The following CABLES1 variants were observed in gnomAD, a reference collection of about 807,000 sequenced individuals.
CABLES1 encodes CDK5 and ABL1 enzyme substrate 1.
Under a neutral mutation model 57.8 loss-of-function variants are expected in CABLES1, and 36 were observed. That is an observed-to-expected ratio of 0.62 (90% CI 0.48 to 0.82). The LOEUF (loss-of-function observed/expected upper bound fraction) is 0.82, where lower values mean the gene tolerates loss of function less well. Among genes scored for constraint, CABLES1 ranks in the 40% least tolerant of loss-of-function variants. CABLES1 has a pLI of 0.00. For missense variants in CABLES1, 767 were observed against 836.6 expected, an observed-to-expected ratio of 0.92 and a Z score of 1.03; for synonymous variants, 374 against 363.0, an observed-to-expected ratio of 1.03 and a Z score of -0.35.
chr18:23,250,758 CTATG>C (rs2145128528), intron 7 of CABLES1, among the ~76,000 whole-genome samples: 1 of 152,310 alleles, frequency 6.6e-6, no homozygotes, highest in South Asian at 2.1e-4. Flanking sequence ...GCCAGAAAGA[CTATG>C]TATCAGAGGA....
chr18:23,145,805 G>A (rs1026129024), intron 1 of CABLES1, among the ~76,000 whole-genome samples: 5 of 152,120 alleles, frequency 3.3e-5, no homozygotes, highest in South Asian at 2.1e-4. Context: ...GGATGGCTAC[G>A]CACTAGATCA....
intron 4 of CABLES1, among the ~76,000 whole-genome samples, chr18:23,222,051 C>T (rs1346320532): frequency 6.6e-6 from 1 of 152,160 alleles, no homozygotes; most frequent in Non-Finnish European, 1.5e-5. Context: ...TTTCCAAAGC[C>T]CAGGAGCTCT....
chr18:23,156,027 A>G, intron 1 of CABLES1: 1 of 1,532,126 alleles, frequency 6.5e-7, no homozygotes, highest in Non-Finnish European at 9.0e-7. Context: ...TTGGATGCTG[A>G]CGGTCTTTGT....
At chr18:23,217,049 A>C (rs1255056327) in intron 4 of CABLES1, among the ~76,000 whole-genome samples, 2 of 152,118 alleles carry the variant, frequency 1.3e-5, no homozygotes, top group African/African-American at 4.8e-5. Context: ...GAGGAAACCA[A>C]GGTGCACAAG....
At chr18:23,195,590 T>G (rs183506591) in intron 3 of CABLES1, among the ~76,000 whole-genome samples, 13 of 152,346 alleles carry the variant, frequency 8.5e-5, no homozygotes, top group African/African-American at 2.4e-4. Flanking sequence ...TTTAAAGCCT[T>G]ATAAGGACAG....
At chr18:23,191,021 G>T (rs1419770955) in intron 2 of CABLES1, among the ~76,000 whole-genome samples, 7 of 147,344 alleles carry the variant, frequency 4.8e-5, no homozygotes, top group Non-Finnish European at 8.9e-5. Context: ...AGGCAGAGGG[G>T]TTGCTTGAGG....
At chr18:23,163,267 A>G (rs1370462541) in intron 1 of CABLES1, among the ~76,000 whole-genome samples, 1 of 152,034 alleles carries the variant, frequency 6.6e-6, no homozygotes, top group Non-Finnish European at 1.5e-5. Context: ...TGCCACGTGG[A>G]GATTTAAGGA....
intron 7 of CABLES1, among the ~76,000 whole-genome samples, chr18:23,238,549 T>G (rs1208112553): frequency 6.6e-6 from 1 of 152,208 alleles, no homozygotes; most frequent in Non-Finnish European, 1.5e-5. Flanking sequence ...TATGATCTGT[T>G]TATTTAAAAA....
chr18:23,209,887 G>T lies in CABLES1; in HGVS notation c.1011-4090G>T, dbSNP rs189874220. Among the ~76,000 whole-genome samples, 337 of 152,180 alleles carry T rather than the reference G, an allele frequency of 2.2e-3. 2 individuals carry two copies. The highest frequency in any genetic ancestry group is 7.9e-3 in the African/African-American group (330 of 41,512). On this transcript the variant is annotated intron_variant, in intron 3 of 9. Transcript: ENST00000256925. ...GTGCTCTGTCACCTTGCGGGGGGGC[G>T]GTCCTTGTGCATCTCCTGGCTGTTC...
At chr18:23,245,832 C>T (rs575296756) in intron 7 of CABLES1, among the ~76,000 whole-genome samples, 11 of 152,346 alleles carry the variant, frequency 7.2e-5, no homozygotes, top group South Asian at 2.1e-4. Context: ...GCTCCATGAG[C>T]GGAATGAGCA....
intron 1 of CABLES1, among the ~76,000 whole-genome samples, chr18:23,164,715 T>C (rs563113864): frequency 1.3e-5 from 2 of 151,986 alleles, no homozygotes; most frequent in African/African-American, 2.4e-5. Flanking sequence ...ATGAAACATA[T>C]CAAAGCTTAT....
intron 1 of CABLES1, among the ~76,000 whole-genome samples, chr18:23,186,835 G>A (rs2047206531): frequency 6.6e-6 from 1 of 152,206 alleles, no homozygotes; most frequent in African/African-American, 2.4e-5. Context: ...CCCTGGATGG[G>A]TAACATGGGG....
At chr18:23,234,292 C>T (rs1350301701) in intron 4 of CABLES1, among the ~76,000 whole-genome samples, 1 of 152,200 alleles carries the variant, frequency 6.6e-6, no homozygotes, top group African/African-American at 2.4e-5. Flanking sequence ...CCACGATGCC[C>T]AGGGAATGCT....
chr18:23,205,202 T>A (rs1301857742), intron 3 of CABLES1, among the ~76,000 whole-genome samples: 1 of 147,526 alleles, frequency 6.8e-6, no homozygotes, highest in Non-Finnish European at 1.5e-5. Flanking sequence ...TTTTTTTTTT[T>A]TTTGAGACGG....
At chr18:23,186,609 G>A (rs553611880) in intron 1 of CABLES1, among the ~76,000 whole-genome samples, 36 of 152,032 alleles carry the variant, frequency 2.4e-4, no homozygotes, top group Non-Finnish European at 4.6e-4. Flanking sequence ...ATTTTCAGTA[G>A]AGATGGGTCA....
At chr18:23,215,975 T>TG (rs1181434226) in intron 4 of CABLES1, among the ~76,000 whole-genome samples, 23 of 152,052 alleles carry the variant, frequency 1.5e-4, no homozygotes, top group Admixed American at 1.2e-3. Flanking sequence ...AGGATGGTCT[T>TG]GATCTCCTGA....
At chr18:23,185,921 A>T (rs1344312945) in intron 1 of CABLES1, among the ~76,000 whole-genome samples, 1 of 152,186 alleles carries the variant, frequency 6.6e-6, no homozygotes, top group Admixed American at 6.5e-5. Context: ...ATAAACAGTA[A>T]ATCTTTTCAT....
intron 1 of CABLES1, among the ~76,000 whole-genome samples, chr18:23,171,154 G>A (rs578205171): frequency 3.3e-4 from 51 of 152,274 alleles, no homozygotes; most frequent in African/African-American, 1.1e-3. Context: ...TTTCATTAAC[G>A]TGATCTGTAG....
At chr18:23,199,751 A>G (rs1487277042) in intron 3 of CABLES1, among the ~76,000 whole-genome samples, 4 of 152,232 alleles carry the variant, frequency 2.6e-5, no homozygotes, top group African/African-American at 9.6e-5. Context: ...AAGTTTTAGG[A>G]ATACACAGTG....
Sources: allele counts gnomAD v4.1 joint callset (sites outside exome capture counted in the v4.1 genomes callset), GRCh38; gene constraint gnomAD v4.1.1; transcripts MANE v1.5; gene names NCBI Gene and HGNC (gene_info 2026-07-23, HGNC 2026-07-21).